The following L3MBTL3 variants were observed in gnomAD, a reference collection of about 807,000 sequenced individuals.
L3MBTL3 encodes the protein lethal(3)malignant brain tumor-like protein 3.
In L3MBTL3, 27 loss-of-function variants were observed where a neutral mutation model predicts 102.3. The observed-to-expected ratio is 0.26, with a 90% CI of 0.19 to 0.36. The LOEUF (loss-of-function observed/expected upper bound fraction) is 0.36. Ranked by LOEUF, L3MBTL3 falls within the 10% of genes least tolerant of loss-of-function variation. The pLI, the probability that L3MBTL3 is intolerant of heterozygous loss-of-function variation, is 1.00. For missense variants in L3MBTL3, 798 were observed against 955.3 expected (o/e 0.84, Z 2.17); for synonymous variants, 340 against 320.9 (o/e 1.06, Z -0.64).
intron 11 of L3MBTL3, among the ~76,000 whole-genome samples, 154 bp from the exon 12 acceptor site, chr6:130,068,176 T>A (rs1000898702): frequency 6.6e-6 from 1 of 152,214 alleles, no homozygotes; most frequent in Non-Finnish European, 1.5e-5. Context: ...AAACATAGTC[T>A]AAATATGCAT....
chr6:130,076,545 A>G (rs1782962114), intron 13 of L3MBTL3, among the ~76,000 whole-genome samples: 1 of 152,146 alleles, frequency 6.6e-6, no homozygotes, highest in South Asian at 2.1e-4. Context: ...CATTATGAAT[A>G]ATTTGCACTT....
chr6:130,046,973 C>G (rs750764755), intron 3 of L3MBTL3, among the ~76,000 whole-genome samples: 2 of 152,172 alleles, frequency 1.3e-5, no homozygotes, highest in Non-Finnish European at 1.5e-5. Context: ...GTGGAAGACA[C>G]AGTAAGCCCA....
chr6:130,053,692 G>A (rs1163661590), intron 7 of L3MBTL3, among the ~76,000 whole-genome samples: 3 of 150,866 alleles, frequency 2.0e-5, no homozygotes, highest in African/African-American at 4.9e-5. Flanking sequence ...ACAAATATCA[G>A]GTATATTTGG....
chr6:130,020,379 ACGGTGGCACGGGCGGGGGGAGGGCG>A (rs2114390278), intron 1 of L3MBTL3: 1 of 140,450 alleles, frequency 7.1e-6, no homozygotes, highest in African/African-American at 2.6e-5. Context: ...GGAGGAGGGC[ACGGTGGCACGGGCGGGGGGAGGGCG>A]CAACTTTTGG....
At chr6:130,047,245 C>G (rs558102229) in intron 3 of L3MBTL3, among the ~76,000 whole-genome samples, 20 of 152,250 alleles carry the variant, frequency 1.3e-4, no homozygotes, top group Admixed American at 4.6e-4. Flanking sequence ...CTCTGGCTTA[C>G]AAGAGTGAAC....
chr6:130,093,257 GTAT>G (rs1784167889), intron 17 of L3MBTL3, among the ~76,000 whole-genome samples: 1 of 152,090 alleles, frequency 6.6e-6, no homozygotes, highest in African/African-American at 2.4e-5. Context: ...AGCTCCTTAT[GTAT>G]TATTATTTAC....
intron 14 of L3MBTL3, among the ~76,000 whole-genome samples, chr6:130,081,839 C>T (rs1436424428): frequency 2.6e-5 from 4 of 152,116 alleles, no homozygotes; most frequent in African/African-American, 9.7e-5. Flanking sequence ...TCAAGTTTGC[C>T]AGTTGTCCTA....
Position 130,085,497 on chromosome 6 carries a change from A to G in L3MBTL3, c.1408-643A>G, listed in dbSNP as rs185361139. Among the ~76,000 whole-genome samples, 268 of 152,144 alleles carry G rather than the reference A, an allele frequency of 1.8e-3. 3 individuals are homozygous for G. Among genetic ancestry groups the G allele is most frequent in the Non-Finnish European group, 4.3e-4 (29 of 67,992 alleles). Reference sequence around the variant, plus strand: ...CAGTACACCTCCAAATAATAAGAAAATTTTCTTGTCTTCCATCTGAGTAAT... The same window carrying G: ...CAGTACACCTCCAAATAATAAGAAAGTTTTCTTGTCTTCCATCTGAGTAAT... On this transcript the variant is annotated intron_variant, in intron 15 of 22. Coordinates refer to ENST00000361794, the MANE Select transcript of L3MBTL3 (RefSeq NM_032438.4).
At chr6:130,104,395 C>CTTTTTTTTTTTTT in intron 18 of L3MBTL3, 31 bp from the exon 19 acceptor site, 1 of 1,334,382 alleles carries the variant, frequency 7.5e-7, no homozygotes, top group Non-Finnish European at 1.0e-6. Context: ...GTTCAATGTT[C>CTTTTTTTTTTTTT]TTTTTTTTTT....
intron 8 of L3MBTL3, among the ~76,000 whole-genome samples, chr6:130,057,051 A>C (rs1781553172): frequency 6.6e-6 from 1 of 152,090 alleles, no homozygotes; most frequent in Non-Finnish European, 1.5e-5. Flanking sequence ...TGGCCTTTCC[A>C]CAGTCCTCAA....
chr6:130,072,134 A>G (rs1182479588), intron 13 of L3MBTL3, among the ~76,000 whole-genome samples: 1 of 152,118 alleles, frequency 6.6e-6, no homozygotes, highest in Non-Finnish European at 1.5e-5. Context: ...GATCAAAAAT[A>G]TGAAAAAAAG....
At chr6:130,020,988 G>C (rs9388765) in intron 1 of L3MBTL3, among the ~76,000 whole-genome samples, 3,805 of 151,682 alleles carry the variant, frequency 0.025, 84 homozygotes, top group Non-Finnish European at 0.039. Context: ...AATTTGGGGT[G>C]GGGGGGCGCG....
At chr6:130,032,691 T>G (rs1470185722) in intron 2 of L3MBTL3, among the ~76,000 whole-genome samples, 1 of 152,194 alleles carries the variant, frequency 6.6e-6, no homozygotes, top group Non-Finnish European at 1.5e-5. Context: ...ATGGGGAAAT[T>G]GAGACTTCAA....
chr6:130,120,680 A>G (rs1345385952), intron 19 of L3MBTL3, among the ~76,000 whole-genome samples, 199 bp from the exon 20 acceptor site: 1 of 152,232 alleles, frequency 6.6e-6, no homozygotes, highest in Non-Finnish European at 1.5e-5. Flanking sequence ...TGAATAGGAA[A>G]TGAAAATTGA....
In L3MBTL3 at chr6:130,070,615, AAAG is replaced by A. The variant is rs752650085; in HGVS notation, c.1093-357_1093-355del. Among the ~76,000 whole-genome samples the A allele has an allele frequency of 2.6e-5, 4 of 152,152 alleles. No homozygotes were observed. In the East Asian group the frequency reaches 5.8e-4, roughly 22 times the overall value. Reference sequence around the variant, plus strand: ...TTCATTGTTAAGTCTGTAATCAAGAAAAGAAGGATAAAATGTGAACTATATGGT... The same window carrying A: ...TTCATTGTTAAGTCTGTAATCAAGAAAAGGATAAAATGTGAACTATATGGT... On this transcript the variant is annotated intron_variant, in intron 12 of 22. Transcript: ENST00000361794.
Position 130,094,284 on chromosome 6 carries a change from A to G in L3MBTL3, c.1653A>G (p.Glu551=). 6.2e-7 allele frequency: 1 copy of G among 1,613,484 alleles called. No homozygotes were observed. The highest frequency in any genetic ancestry group is 8.5e-7 in the Non-Finnish European group (1 of 1,179,650). The stretch of plus-strand genomic sequence containing the variant: ...TCATAGGCCCCTTAGAATTAATGGA[A>G]GCTTCAGAACATGGTGGATGCTCAA... ...QPPLSPLELM[E]ASEHGGCSTP... Residue 551 remains glutamate, a synonymous_variant, in exon 18 of 23, where the codon GAA becomes GAG. Transcript: ENST00000361794.
intron 12 of L3MBTL3, among the ~76,000 whole-genome samples, chr6:130,070,290 T>TA (rs1248789724): frequency 4.6e-5 from 7 of 152,300 alleles, no homozygotes; most frequent in East Asian, 3.9e-4. Flanking sequence ...CACTAACTCT[T>TA]ACAGAACTTT....
intron 18 of L3MBTL3, among the ~76,000 whole-genome samples, chr6:130,100,920 C>G (rs1191147926): frequency 6.6e-6 from 1 of 152,130 alleles, no homozygotes; most frequent in Non-Finnish European, 1.5e-5. Flanking sequence ...GAACCTGTCA[C>G]TTTCTTCATA....
intron 14 of L3MBTL3, among the ~76,000 whole-genome samples, chr6:130,081,875 C>G (rs10080735): frequency 0.05 from 7,616 of 152,202 alleles, 397 homozygotes; most frequent in African/African-American, 0.13. Context: ...GCAAAAGGAT[C>G]TCAGTTGTCA....
Sources: gnomAD v4.1 joint callset for allele counts (sites outside exome capture counted in the v4.1 genomes callset) on GRCh38, gnomAD v4.1.1 for gene constraint, MANE v1.5 for transcripts, NCBI Gene and HGNC (gene_info 2026-07-23, HGNC 2026-07-21) for gene names.